The following MTCH1 variants were observed in gnomAD, a reference collection of about 807,000 sequenced individuals.
The protein encoded by MTCH1 is mitochondrial carrier homolog 1.
MTCH1 carries 23 observed loss-of-function variants against 49.3 expected under a neutral mutation model. That is an observed-to-expected ratio of 0.47 (90% CI 0.34 to 0.66). The LOEUF (loss-of-function observed/expected upper bound fraction) is 0.66, where lower values mean the gene tolerates loss of function less well. Among genes scored for constraint, MTCH1 ranks in the 30% least tolerant of loss-of-function variants. The probability of loss-of-function intolerance (pLI) is 0.01; values close to 1 mark genes in which losing one functional copy is unlikely to be tolerated. For synonymous variants in MTCH1, 229 were observed against 215.2 expected (o/e 1.06, Z -0.56); for missense variants, 397 against 532.1 (o/e 0.75, Z 2.50).
At position 36,978,192 on chromosome 6, in the gene MTCH1, G is replaced by A. The variant is rs186300535; in HGVS notation, c.514-37C>T. 1.3e-4 allele frequency: 204 copies of A among 1,544,964 alleles called. No individual in the cohort carries two copies. The Admixed American group carries it at 1.9e-3, about 15-fold the overall frequency. ...AAGGGAAAGAACCAAGTTCAGCTAC[G>A]CCTCTTCCATGGAACTCTTCGGGGA... On this transcript the variant is annotated intron_variant, in intron 3 of 11. Coordinates refer to ENST00000373627, the MANE Select transcript of MTCH1 (RefSeq NM_001271641.2).
intron 11 of MTCH1, chr6:36,969,193 T>C: frequency 2.0e-6 from 2 of 985,396 alleles, no homozygotes; most frequent in Non-Finnish European, 2.4e-6. Flanking sequence ...GGGGCTACTC[T>C]GTAGGAGAGC....
In MTCH1 at chr6:36,982,213, G is replaced by A. The variant is rs1764122784; in HGVS notation, c.322-541C>T. 6.9e-6 allele frequency among the ~76,000 whole-genome samples: 1 copy of A among 144,316 alleles called. No homozygotes were observed. The highest frequency in any genetic ancestry group is 1.6e-5 in the Non-Finnish European group (1 of 64,204). The allele number at this position is 144,316 out of a possible 152,430, so 94.7% of individuals were successfully genotyped here. A position where few individuals can be genotyped will look rare whatever the true frequency, so the allele number is the denominator to read the frequency against. Reference sequence around the variant, plus strand: ...TCCATGTCTATTCCTCCCATTCCCAGGCTTAGCAAACTGTTACCTCAAATT... The same window carrying A: ...TCCATGTCTATTCCTCCCATTCCCAAGCTTAGCAAACTGTTACCTCAAATT... On this transcript the variant is annotated intron_variant, in intron 1 of 11. Coordinates refer to ENST00000373627, the MANE Select transcript of MTCH1 (RefSeq NM_001271641.2). This position sits in a 1 kb window ranked among gnomAD's most constrained non-coding sequence, Gnocchi z 4.1.
In MTCH1 at chr6:36,968,930, T is replaced by A; in HGVS notation, c.1143A>T (p.Ser381=). The A allele has an allele frequency of 6.2e-7, 1 of 1,614,094 alleles. No individual in the cohort carries two copies. Among genetic ancestry groups the A allele is most frequent in the South Asian group, 1.1e-5 (1 of 91,084 alleles). The part of the protein sequence containing the change: ...RGSSLLFRRV[S]SGSCFALE The stretch of plus-strand genomic sequence containing the variant: ...ACTCCAGGGCAAAGCATGATCCTGA[T>A]GACACCCGGCGGAAAAGCAGGCTGG... Residue 381 remains serine (S), a synonymous_variant, in exon 12 of 12, where the codon TCA becomes TCT. Coordinates refer to ENST00000373627, the MANE Select transcript of MTCH1 (RefSeq NM_001271641.2).
chr6:36,969,034 A>T (rs1763578767), intron 11 of MTCH1, 60 bp from the exon 12 acceptor site: 2 of 1,593,228 alleles, frequency 1.3e-6, no homozygotes, highest in Non-Finnish European at 1.7e-6. Flanking sequence ...TGTCCCTCCG[A>T]GAGGAAGGCC....
rs749915736 is a variant in MTCH1, at chr6:36,981,604, C to T, written c.390G>A (p.Pro130=). The T allele has an allele frequency of 2.2e-5, 36 of 1,613,786 alleles. No homozygotes were observed. In the Admixed American group the frequency reaches 2.8e-4, roughly 13 times the overall value. ...NVLGRKVLYL[P]SFFTYAKYIV... ...CACACTCACCGTAGGTGAAGAAGCT[C>T]GGCAGATAGAGGACCTTCCTCCCCA... Residue 130 remains proline, a synonymous_variant, in exon 2 of 12, where the codon CCG becomes CCA. Coordinates refer to ENST00000373627, the MANE Select transcript of MTCH1 (RefSeq NM_001271641.2).
intron 7 of MTCH1, among the ~76,000 whole-genome samples, chr6:36,973,112 T>C (rs1018958703): frequency 2.0e-5 from 3 of 152,128 alleles, no homozygotes; most frequent in Non-Finnish European, 2.9e-5. Context: ...ATGCAGATAA[T>C]AAGAGTGCCG....
intron 1 of MTCH1, 81 bp from the exon 2 acceptor site, chr6:36,981,753 C>T (rs1333137062): frequency 4.3e-6 from 5 of 1,160,446 alleles, no homozygotes; most frequent in Non-Finnish European, 4.8e-6. Context: ...ACCTCTTGCC[C>T]CCTTTGCTTA....
At position 36,985,969 on chromosome 6, in the gene MTCH1, A is replaced by G. The variant is rs1028299797; in HGVS notation, c.205T>C (p.Ser69Pro). ...TTGTCCCCAGACCCCAGGCCCCCTG[A>G]CCCGCCATCCATCCTGCGGGCCGAG... ...QPSARRMDGG[S>P]GGLGSGDNAP... Residue 69 changes from serine (S) to proline (P), a missense_variant, in exon 1 of 12, where the codon TCA becomes CCA. Ser to Pro is a moderately conservative substitution (Grantham distance 74, BLOSUM62 -1). Around this residue, in one of 2 missense-constraint regions of MTCH1, gnomAD observed 145 missense variants for 143.8 expected, o/e 1.01. Coordinates refer to ENST00000373627, the MANE Select transcript of MTCH1 (RefSeq NM_001271641.2). 10 of 1,547,670 alleles carry G rather than the reference A, an allele frequency of 6.5e-6. No individual in the cohort carries two copies. Among genetic ancestry groups the G allele is most frequent in the Non-Finnish European group, 7.9e-6 (9 of 1,146,388 alleles).
chr6:36,986,213 G>C, upstream of MTCH1: 1 of 1,394,018 alleles, frequency 7.2e-7, no homozygotes, highest in Non-Finnish European at 9.2e-7. Flanking sequence ...ACGTGACGGG[G>C]CCACGCCCCC....
Position 36,975,677 on chromosome 6 carries a change from C to G in MTCH1, c.742G>C (p.Gly248Arg). 6.2e-7 allele frequency: 1 copy of G among 1,614,088 alleles called. No homozygotes were observed. ...SSIGKIFKEE[G>R]LLGFFVGLIP... ...ACGTACACGAAGAATCCCAGCAGCC[C>G]TTCCTCTTTGAAAATCTTCCCAATG... Residue 248 changes from glycine to arginine, a missense_variant, in exon 7 of 12, where the codon GGG becomes CGG. Physicochemically the swap from Gly to Arg is moderately radical, Grantham distance 125 (BLOSUM62 -2). Around this residue, in one of 2 missense-constraint regions of MTCH1, gnomAD observed 252 missense variants for 388.3 expected, o/e 0.65. Coordinates refer to ENST00000373627, the MANE Select transcript of MTCH1 (RefSeq NM_001271641.2).
intron 1 of MTCH1, among the ~76,000 whole-genome samples, chr6:36,984,693 C>T (rs116681184): frequency 0.015 from 2,233 of 152,142 alleles, 57 homozygotes; most frequent in African/African-American, 0.051. Context: ...ATTCTCACAC[C>T]TCCACACGCC....
Position 36,986,032 on chromosome 6 carries a change from G to A in MTCH1, c.142C>T (p.Arg48Cys). The A allele has an allele frequency of 2.0e-6, 3 of 1,500,792 alleles. No individual in the cohort carries two copies. The highest frequency in any genetic ancestry group is 2.7e-6 in the Non-Finnish European group (3 of 1,130,630). 93.0% of individuals were successfully genotyped at this position (1,500,792 alleles called of 1,614,324 possible). Residue 48 changes from arginine (R) to cysteine (C), a missense_variant, in exon 1 of 12, where the codon CGC (arginine) becomes TGC (cysteine). Arg to Cys is a radical substitution (Grantham distance 180). Transcript: ENST00000373627. Reference protein sequence around the residue: ...ARARDPPPAHRAHPRHPRPAA... With the variant: ...ARARDPPPAHCAHPRHPRPAA... ...GGCCGAGGGTGGCGAGGATGTGCGC[G>A]GTGCGCGGGCGGTGGATCGCGAGCT...
At chr6:36,983,623 C>G (rs1764187272) in intron 1 of MTCH1, among the ~76,000 whole-genome samples, 1 of 152,148 alleles carries the variant, frequency 6.6e-6, no homozygotes, top group Non-Finnish European at 1.5e-5. Flanking sequence ...TCTGTTAACC[C>G]AGTCCTAACT....
At chr6:36,976,035 G>A (rs114501025) in intron 6 of MTCH1, among the ~76,000 whole-genome samples, 4,451 of 152,228 alleles carry the variant, frequency 0.029, 227 homozygotes, top group African/African-American at 0.1. Context: ...CTGCAGAGGC[G>A]GCAGGCCCTT....
chr6:36,969,295 G>A (rs555225210), intron 11 of MTCH1: 8 of 985,426 alleles, frequency 8.1e-6, no homozygotes, highest in South Asian at 4.7e-5. Context: ...ACACACTCAC[G>A]CTGACCAGGG....
chr6:36,985,828 CCCT>C, intron 1 of MTCH1, 22 bp downstream of exon 1: 2 of 1,548,516 alleles, frequency 1.3e-6, no homozygotes, highest in Non-Finnish European at 1.7e-6. Flanking sequence ...CCTCCCATCT[CCCT>C]ACGGCGCCTC....
In MTCH1 at chr6:36,978,694, C is replaced by T. The variant is rs574626442; in HGVS notation, c.407-83G>A. The T allele has an allele frequency of 4.6e-4, 569 of 1,239,836 alleles. 10 individuals are homozygous for T. The South Asian group carries it at 7.0e-3, about 15-fold the overall frequency. The allele number at this position is 1,239,836 out of a possible 1,614,324, so 76.8% of individuals were successfully genotyped here. On this transcript the variant is annotated intron_variant, in intron 2 of 11. Coordinates refer to ENST00000373627, the MANE Select transcript of MTCH1 (RefSeq NM_001271641.2). ...GGGTCACACACACCCAGACCAGGCT[C>T]GGCTTGTCCTTCAGGTAACTGCTGA...
At chr6:36,978,645 C>G in intron 2 of MTCH1, 34 bp from the exon 3 acceptor site, 1 of 1,599,948 alleles carries the variant, frequency 6.3e-7, no homozygotes. Flanking sequence ...AGGAGTCACA[C>G]CCAGTTCAGG....
rs894495445 is a variant in MTCH1, at chr6:36,968,644, C to T, written c.*259G>A. The T allele has an allele frequency of 2.2e-5, 12 of 548,858 alleles. No individual in the cohort carries two copies. Among genetic ancestry groups the T allele is most frequent in the African/African-American group, 3.8e-5 (2 of 53,208 alleles). 34.0% of individuals were successfully genotyped at this position (548,858 alleles called of 1,614,324 possible). ...GCACAAGACAGACTCAGCAAATCTG[C>T]GAGGTATGGGGATTCTGCCAACTCC... On this transcript the variant is annotated 3_prime_UTR_variant, in exon 12 of 12. Transcript: ENST00000373627.
Sources: gnomAD v4.1 joint callset for allele counts (sites outside exome capture counted in the v4.1 genomes callset) on GRCh38, gnomAD v4.1.1 for gene constraint, gnomAD v4.1.1 regional missense constraint, Gnocchi (gnomAD v3.1) non-coding constraint, MANE v1.5 for transcripts, NCBI Gene and HGNC (gene_info 2026-07-23, HGNC 2026-07-21) for gene names.